The following PCDH15 variants were observed in gnomAD, a reference collection of about 807,000 sequenced individuals.
The protein encoded by PCDH15 is protocadherin-15.
A neutral mutation model predicts 178.5 loss-of-function variants in PCDH15; 129 were observed. The observed-to-expected ratio is 0.72, with a 90% confidence interval of 0.63 to 0.84. The LOEUF (loss-of-function observed/expected upper bound fraction) is 0.84. Among genes scored for constraint, PCDH15 ranks in the 40% least tolerant of loss-of-function variants. The probability of loss-of-function intolerance (pLI) is 0.00; values close to 1 mark genes in which losing one functional copy is unlikely to be tolerated. For synonymous variants in PCDH15, 800 were observed against 732.0 expected (o/e 1.09, Z -1.50); for missense variants, 2,230 against 2,099.9 (o/e 1.06, Z -1.21).
At chr10:55,611,680 T>G (rs1843368751) in intron 2 of PCDH15, among the ~76,000 whole-genome samples, 1 of 152,052 alleles carries the variant, frequency 6.6e-6, no homozygotes. Flanking sequence ...TTAAAATCAG[T>G]ATGTTGACTA....
intron 2 of PCDH15, among the ~76,000 whole-genome samples, chr10:55,112,013 T>G (rs1020796529): frequency 6.6e-6 from 1 of 152,184 alleles, no homozygotes; most frequent in Non-Finnish European, 1.5e-5. Flanking sequence ...AACACATTTA[T>G]TTTTTAGTAA....
chr10:55,247,610 T>G (rs1272309339), intron 1 of PCDH15: 1 of 147,900 alleles, frequency 6.8e-6, no homozygotes, highest in Non-Finnish European at 1.5e-5. Context: ...ACCATTATAA[T>G]TCTTTTTTTT....
chr10:55,308,496 G>T (rs1248534690), intron 1 of PCDH15, among the ~76,000 whole-genome samples: 1 of 152,130 alleles, frequency 6.6e-6, no homozygotes, highest in African/African-American at 2.4e-5. Flanking sequence ...ATTTTGAGTA[G>T]GAAAGTGCCT....
chr10:54,281,715 T>G (rs1375408684), intron 8 of PCDH15, among the ~76,000 whole-genome samples: 1 of 151,966 alleles, frequency 6.6e-6, no homozygotes, highest in East Asian at 1.9e-4. Context: ...ACAAGAGAGC[T>G]CTATACTAGG....
chr10:55,590,214 CA>C (rs1225663899), intron 2 of PCDH15, among the ~76,000 whole-genome samples: 19 of 149,126 alleles, frequency 1.3e-4, no homozygotes, highest in Non-Finnish European at 2.2e-4. Flanking sequence ...ATCACAAGGA[CA>C]AAAAACCAAA....
intron 15 of PCDH15, among the ~76,000 whole-genome samples, chr10:54,093,180 T>G (rs952715125): frequency 6.6e-6 from 1 of 152,168 alleles, no homozygotes; most frequent in African/African-American, 2.4e-5. Context: ...CTCAGTCTTT[T>G]AAGGATTGTG....
At chr10:54,513,453 G>T (rs1479892385) in intron 3 of PCDH15, among the ~76,000 whole-genome samples, 1 of 151,772 alleles carries the variant, frequency 6.6e-6, no homozygotes, top group Admixed American at 6.6e-5. Context: ...AATTTTATAT[G>T]TCTACACACA....
chr10:54,618,683 G>T (rs2093260248), intron 2 of PCDH15, among the ~76,000 whole-genome samples: 1 of 151,960 alleles, frequency 6.6e-6, no homozygotes, highest in Non-Finnish European at 1.5e-5. Context: ...TGCGTGTGTG[G>T]CTATGTGGGC....
intron 13 of PCDH15, among the ~76,000 whole-genome samples, chr10:54,166,550 G>C (rs550449921): frequency 6.6e-6 from 1 of 152,274 alleles, no homozygotes; most frequent in South Asian, 2.1e-4. Flanking sequence ...GTTTACTAGG[G>C]TTTTAAGAAA....
chr10:54,278,533 G>A (rs2058479038), intron 8 of PCDH15, among the ~76,000 whole-genome samples: 1 of 151,470 alleles, frequency 6.6e-6, no homozygotes, highest in Non-Finnish European at 1.5e-5. Context: ...TTAAGATGAT[G>A]GTAAATTAGC....
chr10:54,736,967 T>C (rs1944210418), intron 1 of PCDH15, among the ~76,000 whole-genome samples: 3 of 152,052 alleles, frequency 2.0e-5, no homozygotes, highest in African/African-American at 7.2e-5. Flanking sequence ...GACAAAATCA[T>C]AGGCCAGCTT....
At chr10:54,877,933 T>C (rs1954175461) in intron 3 of PCDH15, among the ~76,000 whole-genome samples, 1 of 6,060 alleles carries the variant, frequency 1.7e-4, no homozygotes, top group Admixed American at 3.0e-3. Flanking sequence ...TTTCTCTCTC[T>C]CTCTCTTTTT....
intron 2 of PCDH15, among the ~76,000 whole-genome samples, chr10:54,633,956 T>C (rs1245336133): frequency 6.6e-6 from 1 of 152,098 alleles, no homozygotes; most frequent in Admixed American, 6.6e-5. Flanking sequence ...CCCCATGCAT[T>C]AGCTGATATG....
At chr10:54,651,385 G>A (rs1167032316) in intron 2 of PCDH15, among the ~76,000 whole-genome samples, 1 of 152,150 alleles carries the variant, frequency 6.6e-6, no homozygotes, top group Non-Finnish European at 1.5e-5. Context: ...GTAGATAGTG[G>A]AAGAAATGTT....
chr10:55,352,963 C>T (rs1045406889), intron 2 of PCDH15, among the ~76,000 whole-genome samples: 15 of 152,250 alleles, frequency 9.9e-5, no homozygotes, highest in African/African-American at 3.6e-4. Context: ...AAAACTGCAA[C>T]ACCTGCAGCT....
intron 3 of PCDH15, among the ~76,000 whole-genome samples, chr10:54,810,197 T>G (rs1217175121): frequency 6.6e-6 from 1 of 152,136 alleles, no homozygotes; most frequent in African/African-American, 2.4e-5. Flanking sequence ...TTGGGGCATC[T>G]TATGATAAGT....
chr10:55,248,048 A>T (rs1265485140), intron 1 of PCDH15, among the ~76,000 whole-genome samples: 1 of 147,684 alleles, frequency 6.8e-6, no homozygotes. Flanking sequence ...ATATACATAT[A>T]TTTATATGTA....
chr10:54,456,704 T>G (rs1237510946), intron 3 of PCDH15, among the ~76,000 whole-genome samples: 2 of 152,144 alleles, frequency 1.3e-5, no homozygotes, highest in Non-Finnish European at 2.9e-5. Context: ...GGTTTGGCTG[T>G]GTCCCCACCC....
chr10:54,220,465 A>C (rs1316547259), intron 9 of PCDH15, among the ~76,000 whole-genome samples: 1 of 152,230 alleles, frequency 6.6e-6, no homozygotes, highest in Non-Finnish European at 1.5e-5. Flanking sequence ...TCAGTGAATT[A>C]GACACTTTGG....
Sources: allele counts gnomAD v4.1 joint callset (sites outside exome capture counted in the v4.1 genomes callset), GRCh38; gene constraint gnomAD v4.1.1; transcripts MANE v1.5; gene names NCBI Gene and HGNC (gene_info 2026-07-23, HGNC 2026-07-21).